Variants in LAMA1 observed in about 807,000 individuals in gnomAD.
LAMA1 encodes laminin subunit alpha 1.
A neutral mutation model predicts 348.7 loss-of-function variants in LAMA1; 219 were observed. The observed-to-expected ratio is 0.63, with a 90% CI of 0.56 to 0.70. The LOEUF (loss-of-function observed/expected upper bound fraction) is 0.70. Ranked by LOEUF, LAMA1 falls within the 30% of genes least tolerant of loss-of-function variation. The pLI is 0.00. For missense variants in LAMA1, 3,744 were observed against 3,888.0 expected, an observed-to-expected ratio of 0.96 and a Z score of 0.99; for synonymous variants, 1,487 against 1,491.0, an observed-to-expected ratio of 1.00 and a Z score of 0.06.
At chr18:7,041,654 G>A (rs1249709257) in intron 9 of LAMA1, among the ~76,000 whole-genome samples, 1 of 152,228 alleles carries the variant, frequency 6.6e-6, no homozygotes, top group African/African-American at 2.4e-5. Context: ...GGACTTGCTT[G>A]ATCTGTGAGA....
At chr18:7,038,031 T>G (rs1399711827) in intron 11 of LAMA1, among the ~76,000 whole-genome samples, 1 of 152,130 alleles carries the variant, frequency 6.6e-6, no homozygotes, top group Non-Finnish European at 1.5e-5. Context: ...AGATTTTAGA[T>G]TTAAAACAAC....
At chr18:7,034,730 A>T (rs375045008) in intron 13 of LAMA1, 40 bp from the exon 14 acceptor site, 4 of 1,550,184 alleles carry the variant, frequency 2.6e-6, no homozygotes, top group Non-Finnish European at 3.5e-6. Flanking sequence ...TTGTCATTCA[A>T]TTTAATGATA....
intron 16 of LAMA1, among the ~76,000 whole-genome samples, chr18:7,026,326 A>G (rs1039074349): frequency 1.3e-5 from 2 of 152,186 alleles, no homozygotes; most frequent in African/African-American, 4.8e-5. Flanking sequence ...CTGACTGATG[A>G]GCATGGACAA....
chr18:6,975,163 AC>A (rs1020154069), intron 45 of LAMA1, 127 bp from the exon 46 acceptor site: 2 of 1,136,052 alleles, frequency 1.8e-6, no homozygotes, highest in Non-Finnish European at 2.4e-6. Context: ...TAAAAAGCAA[AC>A]CCCCCAAATC....
chr18:7,032,751 A>G (rs630801), intron 15 of LAMA1, among the ~76,000 whole-genome samples: 70,759 of 152,098 alleles, frequency 0.47, 17,922 homozygotes, highest in African/African-American at 0.67. Context: ...GACTAAGGCA[A>G]GAGGGCAGCA....
chr18:7,107,789 C>A (rs62083502), intron 1 of LAMA1, among the ~76,000 whole-genome samples: 71,241 of 150,100 alleles, frequency 0.47, 18,157 homozygotes, highest in East Asian at 0.74. Context: ...CTGAGGCGGG[C>A]AGATCACGAG....
chr18:7,056,116 G>A (rs2143737004), intron 3 of LAMA1, among the ~76,000 whole-genome samples: 1 of 152,156 alleles, frequency 6.6e-6, no homozygotes, highest in South Asian at 2.1e-4. Flanking sequence ...TGTGTTCGGG[G>A]CTTTGACAAG....
intron 41 of LAMA1, among the ~76,000 whole-genome samples, chr18:6,980,969 G>A (rs934610965): frequency 3.3e-5 from 5 of 152,136 alleles, no homozygotes; most frequent in Non-Finnish European, 7.3e-5. Flanking sequence ...CAGACGTGGT[G>A]GTGGGCGCCT....
chr18:6,991,037 C>T (rs1370499480), intron 36 of LAMA1, among the ~76,000 whole-genome samples: 1 of 152,114 alleles, frequency 6.6e-6, no homozygotes, highest in Non-Finnish European at 1.5e-5. Context: ...CAGACAGCTG[C>T]TCACGCCCAT....
In LAMA1 at chr18:6,961,974, A is replaced by T; in HGVS notation, c.7423T>A (p.Tyr2475Asn). 6.2e-7 allele frequency: 1 copy of T among 1,614,206 alleles called. No individual in the cohort carries two copies. Among genetic ancestry groups the T allele is most frequent in the Non-Finnish European group, 8.5e-7 (1 of 1,180,014 alleles). ...RSTFDLLRNS[Y>N]GVRKGCLLEP... ...AGTAAACAGCCTTTTCTCACTCCAT[A>T]GGAATTTCTGAGTAAGTCAAAGGTT... Residue 2475 changes from tyrosine to asparagine, a missense_variant, in exon 52 of 63, where the codon TAT becomes AAT. Coordinates refer to ENST00000389658, the MANE Select transcript of LAMA1 (RefSeq NM_005559.4).
intron 15 of LAMA1, 133 bp from the exon 16 acceptor site, chr18:7,032,309 C>T (rs2057973868): frequency 1.4e-6 from 1 of 707,208 alleles, no homozygotes; most frequent in East Asian, 2.7e-5. Flanking sequence ...ACAATTCACC[C>T]ATTTTAAGTG....
At chr18:6,958,858 G>A (rs940288890) in intron 54 of LAMA1, among the ~76,000 whole-genome samples, 196 bp from the exon 55 acceptor site, 9 of 151,964 alleles carry the variant, frequency 5.9e-5, no homozygotes, top group African/African-American at 1.7e-4. Flanking sequence ...TTTCAGAAAC[G>A]AATGGAATGT....
intron 56 of LAMA1, 91 bp downstream of exon 56, chr18:6,956,545 C>T: frequency 6.3e-7 from 1 of 1,589,370 alleles, no homozygotes; most frequent in Non-Finnish European, 8.6e-7. Flanking sequence ...TTCGCAGGCA[C>T]CTTTACAGCA....
intron 1 of LAMA1, among the ~76,000 whole-genome samples, chr18:7,099,903 C>CA (rs1363833128): frequency 4.0e-5 from 6 of 151,344 alleles, no homozygotes; most frequent in South Asian, 2.1e-4. Context: ...CTAAAAAATA[C>CA]AAAAAATTAG....
At chr18:6,960,033 A>G (rs2057599760) in intron 53 of LAMA1, 1 of 180,882 alleles carries the variant, frequency 5.5e-6, no homozygotes, top group Non-Finnish European at 1.2e-5. Context: ...AATGGCTAAT[A>G]TCATTCCTTT....
chr18:6,970,388 C>A (rs534262034), intron 48 of LAMA1, among the ~76,000 whole-genome samples: 1 of 152,174 alleles, frequency 6.6e-6, no homozygotes, highest in Non-Finnish European at 1.5e-5. Flanking sequence ...CATTTTCACA[C>A]GCATCATGTT....
intron 53 of LAMA1, 66 bp downstream of exon 53, chr18:6,961,520 T>C: frequency 6.3e-7 from 1 of 1,580,508 alleles, no homozygotes; most frequent in Non-Finnish European, 8.6e-7. Context: ...AGTCAGTCAT[T>C]TTCCACTCAT....
At chr18:6,969,783 G>A (rs553921448) in intron 48 of LAMA1, among the ~76,000 whole-genome samples, 1 of 152,112 alleles carries the variant, frequency 6.6e-6, no homozygotes, top group Admixed American at 6.5e-5. Context: ...TCCGGAGGCA[G>A]GCCAGGTATT....
At position 6,941,918 on chromosome 18, in the gene LAMA1, G is replaced by C. The variant is rs1046627934; in HGVS notation, c.*161C>G. 2.5e-6 allele frequency: 2 copies of C among 801,098 alleles called. No homozygotes were observed. The highest frequency in any genetic ancestry group is 4.2e-6 in the Non-Finnish European group (2 of 471,628). The allele number at this position is 801,098 out of a possible 1,614,324, so 49.6% of individuals were successfully genotyped here. A position where few individuals can be genotyped will look rare whatever the true frequency, so the allele number is the denominator to read the frequency against. On this transcript the variant is annotated 3_prime_UTR_variant, in exon 63 of 63. Coordinates refer to ENST00000389658, the MANE Select transcript of LAMA1 (RefSeq NM_005559.4). ...TTTAGACCATTTAATGGAGGTATTT[G>C]TTGCACATGTGGTTTTAGTGTAACG...
Sources: gnomAD v4.1 joint callset for allele counts (sites outside exome capture counted in the v4.1 genomes callset) on GRCh38, gnomAD v4.1.1 for gene constraint, MANE v1.5 for transcripts, NCBI Gene and HGNC (gene_info 2026-07-23, HGNC 2026-07-21) for gene names.